TNNT3: variants seen among roughly 807,000 people sequenced by gnomAD.
TNNT3 encodes the protein troponin T3, fast skeletal type.
A neutral mutation model predicts 54.2 loss-of-function variants in TNNT3; 36 were observed. That is an observed-to-expected ratio of 0.66 (90% CI 0.51 to 0.88). The LOEUF (loss-of-function observed/expected upper bound fraction) is 0.88, where lower values mean the gene tolerates loss of function less well. Ranked by LOEUF, TNNT3 falls within the 40% of genes least tolerant of loss-of-function variation. The pLI is 0.00. For missense variants in TNNT3, 291 were observed against 331.6 expected, an observed-to-expected ratio of 0.88 and a Z score of 0.95; for synonymous variants, 120 against 109.7, an observed-to-expected ratio of 1.09 and a Z score of -0.59.
rs75973108 is a variant in TNNT3, at chr11:1,926,890, G to A, written c.82+181G>A. ...GGGAAGGGCTGGCCGGTACAGTGCA[G>A]GCTTCCTCTGTGTCTCCCAGGCAGA... On this transcript the variant is annotated intron_variant, in intron 6 of 15. Coordinates refer to ENST00000278317, the MANE Select transcript of TNNT3 (RefSeq NM_006757.4). Among the ~76,000 whole-genome samples the A allele has an allele frequency of 3.2e-3, 489 of 152,326 alleles. 1 individual carries two copies. Among genetic ancestry groups the A allele is most frequent in the Non-Finnish European group, 6.0e-3 (408 of 68,026 alleles).
intron 3 of TNNT3, 65 bp from the exon 4 acceptor site, chr11:1,923,487 ATCC>A (rs1460041592): frequency 1.5e-5 from 23 of 1,554,246 alleles, no homozygotes; most frequent in East Asian, 2.2e-5. Flanking sequence ...CTGGCCTCTC[ATCC>A]TCCTCCTCCC....
intron 4 of TNNT3, among the ~76,000 whole-genome samples, chr11:1,923,948 GTC>G (rs1195648909): frequency 2.7e-5 from 4 of 146,774 alleles, no homozygotes; most frequent in Non-Finnish European, 5.9e-5. Context: ...CAGTGCTGCT[GTC>G]TCTCTGCCTC....
chr11:1,922,955 G>T, intron 2 of TNNT3, 64 bp downstream of exon 2: 2 of 1,613,542 alleles, frequency 1.2e-6, no homozygotes, highest in African/African-American at 2.7e-5. Flanking sequence ...GGCTTCTGTG[G>T]GGCTGGAGCA....
At chr11:1,929,859 TGA>T in intron 8 of TNNT3, 31 bp downstream of exon 8, 2 of 1,504,982 alleles carry the variant, frequency 1.3e-6, no homozygotes, top group Non-Finnish European at 8.9e-7. Flanking sequence ...GGCCCGCTGC[TGA>T]GTGTGTTCTG....
chr11:1,937,026 C>T (rs368369564), intron 15 of TNNT3, 23 bp downstream of exon 15: 35 of 1,579,826 alleles, frequency 2.2e-5, no homozygotes, highest in Non-Finnish European at 2.7e-5. Flanking sequence ...GCCGTCCTCG[C>T]TCCGCACTGG....
At chr11:1,922,356 T>C (rs1332598821) in intron 1 of TNNT3, among the ~76,000 whole-genome samples, 1 of 151,950 alleles carries the variant, frequency 6.6e-6, no homozygotes, top group East Asian at 1.9e-4. Flanking sequence ...AGATTACTCA[T>C]CTTGGGGAGC....
At position 1,934,016 on chromosome 11, in the gene TNNT3, C is replaced by CA. The variant is rs781157220; in HGVS notation, c.366+9dup. ...CGCCAGAACAGACTGGCGGTGAGGG[C>CA]ACCATCCGCACTGCTGCCTCATCAG... On this transcript the variant is annotated intron_variant, in intron 11 of 15. Coordinates refer to ENST00000278317, the MANE Select transcript of TNNT3 (RefSeq NM_006757.4). The CA allele has an allele frequency of 1.2e-6, 2 of 1,610,364 alleles. No individual in the cohort carries two copies. Among genetic ancestry groups the CA allele is most frequent in the South Asian group, 2.2e-5 (2 of 90,982 alleles).
At chr11:1,922,218 T>C (rs1193869480) in intron 1 of TNNT3, among the ~76,000 whole-genome samples, 1 of 152,086 alleles carries the variant, frequency 6.6e-6, no homozygotes, top group Non-Finnish European at 1.5e-5. Flanking sequence ...CTCTGTGATC[T>C]TGGAGGAGGG....
chr11:1,936,782 G>T (rs931827916), intron 14 of TNNT3, among the ~76,000 whole-genome samples, 181 bp from the exon 15 acceptor site: 1 of 152,204 alleles, frequency 6.6e-6, no homozygotes, highest in Non-Finnish European at 1.5e-5. Flanking sequence ...CAGGGGCCAC[G>T]GGACGGTGTC....
chr11:1,928,197 C>G (rs1371290194), intron 6 of TNNT3, among the ~76,000 whole-genome samples: 1 of 152,230 alleles, frequency 6.6e-6, no homozygotes, highest in Non-Finnish European at 1.5e-5. Context: ...GTGTCAACGG[C>G]CTTGCTGCCA....
rs770515199 is a variant in TNNT3, at chr11:1,929,026, C to T, written c.83-94C>T. Reference sequence around the variant, plus strand: ...GAGTGTCCGAGTGAGAGGGGTGGGCCCCTTGCCCGCCACAGGCCCCTTGCC... The same window carrying T: ...GAGTGTCCGAGTGAGAGGGGTGGGCTCCTTGCCCGCCACAGGCCCCTTGCC... On this transcript the variant is annotated intron_variant, in intron 6 of 15. Coordinates refer to ENST00000278317, the MANE Select transcript of TNNT3 (RefSeq NM_006757.4). 9 of 1,429,274 alleles carry T rather than the reference C, an allele frequency of 6.3e-6. No homozygotes were observed. In the South Asian group the frequency reaches 8.0e-5, roughly 13 times the overall value. The allele number at this position is 1,429,274 out of a possible 1,614,324, so 88.5% of individuals were successfully genotyped here.
At chr11:1,932,338 G>A (rs1362000552) in intron 8 of TNNT3, 131 bp from the exon 9 acceptor site, 29 of 833,748 alleles carry the variant, frequency 3.5e-5, no homozygotes, top group Non-Finnish European at 4.6e-5. Flanking sequence ...GTCACTAGGC[G>A]GGCATGCTTG....
intron 14 of TNNT3, chr11:1,936,094 C>T: frequency 9.0e-7 from 1 of 1,111,214 alleles, no homozygotes; most frequent in Non-Finnish European, 1.3e-6. Context: ...TAGATGCGGC[C>T]ACAGCGGGCC....
intron 6 of TNNT3, chr11:1,928,910 A>C: frequency 6.4e-6 from 4 of 625,308 alleles, no homozygotes; most frequent in East Asian, 3.0e-5. Flanking sequence ...TCCACTGGGC[A>C]CCCAGCCCCT....
chr11:1,928,729 C>T (rs932494953), intron 6 of TNNT3, among the ~76,000 whole-genome samples: 10 of 152,176 alleles, frequency 6.6e-5, no homozygotes, highest in East Asian at 1.9e-4. Flanking sequence ...GCACCCACCC[C>T]GGCTGCAACG....
At chr11:1,932,429 T>C (rs1299994081) in intron 8 of TNNT3, 40 bp from the exon 9 acceptor site, 2 of 1,608,480 alleles carry the variant, frequency 1.2e-6, no homozygotes, top group South Asian at 1.1e-5. Flanking sequence ...GGGGTGGGTC[T>C]CCGGGTCTCT....
Position 1,922,831 on chromosome 11 carries a change from CTCTCTCTCTGAA to C in TNNT3, c.-18-15_-18-4del, listed in dbSNP as rs776487422. 2 of 1,606,912 alleles carry C rather than the reference CTCTCTCTCTGAA, an allele frequency of 1.2e-6. No homozygotes were observed. Among genetic ancestry groups the C allele is most frequent in the Admixed American group, 1.7e-5 (1 of 60,016 alleles). ...AACTCTCTTTCCATCCTCTCTCTCT[CTCTCTCTCTGAA>C]TCTCTCTCTGCAGAAACCACCCACC... On this transcript the variant is annotated splice_polypyrimidine_tract_variant and intron_variant, in intron 1 of 15. Transcript: ENST00000278317.
rs554542150 is a variant in TNNT3 at position 1,922,730 on chromosome 11, C to A, written c.-18-127C>A. ...TGGACTCACCCAAGGCCAGAGCTGGCCCCCAAACCCTGCCCGCGGTCCCCC... is the reference window on the plus strand; with the variant it reads ...TGGACTCACCCAAGGCCAGAGCTGGACCCCAAACCCTGCCCGCGGTCCCCC... On this transcript the variant is annotated intron_variant, in intron 1 of 15. Transcript: ENST00000278317. 110 of 889,636 alleles carry A rather than the reference C, an allele frequency of 1.2e-4. 2 individuals carry two copies. Among genetic ancestry groups the A allele is most frequent in the Middle Eastern group, 1.1e-3 (5 of 4,622 alleles). 55.1% of individuals were successfully genotyped at this position (889,636 alleles called of 1,614,324 possible). A position where few individuals can be genotyped will look rare whatever the true frequency, so the allele number is the denominator to read the frequency against.
intron 5 of TNNT3, chr11:1,926,422 T>C (rs1231238753): frequency 6.2e-7 from 1 of 1,612,890 alleles, no homozygotes; most frequent in Non-Finnish European, 8.5e-7. Flanking sequence ...CATTGACCTC[T>C]GACCCGCGGT....
Sources: gnomAD v4.1 joint callset for allele counts (sites outside exome capture counted in the v4.1 genomes callset) on GRCh38, gnomAD v4.1.1 for gene constraint, MANE v1.5 for transcripts, NCBI Gene and HGNC (gene_info 2026-07-23, HGNC 2026-07-21) for gene names.